The following DTD1 variants were observed in gnomAD, a reference collection of about 807,000 sequenced individuals.
DTD1 encodes D-aminoacyl-tRNA deacylase 1, also known as D-tyrosyl-tRNA deacylase 1 homolog.
A neutral mutation model predicts 25.6 loss-of-function variants in DTD1; 13 were observed. That is an observed-to-expected ratio of 0.51 (90% CI 0.33 to 0.81). DTD1 has a LOEUF of 0.81. Ranked by LOEUF, DTD1 falls within the 30% of genes least tolerant of loss-of-function variation. The pLI is 0.02. For missense variants in DTD1, 193 were observed against 266.4 expected (o/e 0.72, Z 1.92); for synonymous variants, 110 against 103.6 (o/e 1.06, Z -0.37).
At chr20:18,729,436 G>A (rs2061233178) in intron 4 of DTD1, among the ~76,000 whole-genome samples, 1 of 152,194 alleles carries the variant, frequency 6.6e-6, no homozygotes, top group South Asian at 2.1e-4. Flanking sequence ...TGGCCCCGGG[G>A]TATTCAGAGC....
At position 18,758,382 on chromosome 20, in the gene DTD1, C is replaced by G. The variant is rs559488369; in HGVS notation, c.*20-4978C>G. Among the ~76,000 whole-genome samples, 35 of 152,194 alleles carry G rather than the reference C, an allele frequency of 2.3e-4. No individual in the cohort carries two copies. In the South Asian group the frequency reaches 7.1e-3, roughly 31 times the overall value. On this transcript the variant is annotated intron_variant, in intron 5 of 5. Coordinates refer to ENST00000377452, the MANE Select transcript of DTD1 (RefSeq NM_080820.6). ...TGATGTTAGGGTGTCAATTTTGGAT[C>G]TTTCCTGCTTTGTCTTGTGGGCATT...
intron 3 of DTD1, among the ~76,000 whole-genome samples, chr20:18,613,642 A>T (rs2060697133): frequency 1.3e-5 from 2 of 152,188 alleles, no homozygotes; most frequent in South Asian, 4.1e-4. Context: ...CCAGTTGTAT[A>T]TGAGCGATTC....
At chr20:18,683,931 C>A (rs2061006834) in intron 4 of DTD1, among the ~76,000 whole-genome samples, 1 of 152,098 alleles carries the variant, frequency 6.6e-6, no homozygotes, top group African/African-American at 2.4e-5. Flanking sequence ...TGGTTTTTTT[C>A]CCCCTCTACT....
At chr20:18,733,404 T>TGGGCTGGGGGACACA in intron 4 of DTD1, among the ~76,000 whole-genome samples, 1 of 152,286 alleles carries the variant, frequency 6.6e-6, no homozygotes, top group South Asian at 2.1e-4. Context: ...AGGTGACCTC[T>TGGGCTGGGGGACACA]GGGCTGGGGG....
chr20:18,668,628 A>G (rs1211428050), intron 4 of DTD1, among the ~76,000 whole-genome samples: 1 of 152,144 alleles, frequency 6.6e-6, no homozygotes, highest in African/African-American at 2.4e-5. Flanking sequence ...GTCAGGGGAT[A>G]GAGACTGAGC....
intron 5 of DTD1, among the ~76,000 whole-genome samples, chr20:18,761,208 T>A (rs542291107): frequency 6.6e-6 from 1 of 152,084 alleles, no homozygotes; most frequent in Admixed American, 6.5e-5. Context: ...CTCGCCCTGC[T>A]CGGTGTGCTG....
intron 4 of DTD1, among the ~76,000 whole-genome samples, chr20:18,695,013 G>A (rs1476707443): frequency 1.1e-4 from 17 of 152,078 alleles, no homozygotes; most frequent in Admixed American, 1.1e-3. Flanking sequence ...TTCCCTTCAG[G>A]TCATGACCAG....
At chr20:18,636,365 A>G (rs954523260) in intron 4 of DTD1, among the ~76,000 whole-genome samples, 9 of 152,242 alleles carry the variant, frequency 5.9e-5, no homozygotes, top group African/African-American at 1.9e-4. Flanking sequence ...GGGTAATTGT[A>G]GAAAAATGTT....
rs1158784390 is a variant in DTD1, at chr20:18,765,020, A to G, written c.*1680A>G. On this transcript the variant is annotated 3_prime_UTR_variant, in exon 6 of 6. Coordinates refer to ENST00000377452, the MANE Select transcript of DTD1 (RefSeq NM_080820.6). ...AAGGGGTAACGAGGATTGCATAGAG[A>G]TACGACCTAAGGATCATGACATTTG... The G allele has an allele frequency of 6.6e-6, 1 of 152,214 alleles. No individual in the cohort carries two copies. Among genetic ancestry groups the G allele is most frequent in the Non-Finnish European group, 1.5e-5 (1 of 68,050 alleles). The allele number at this position is 152,214 out of a possible 1,614,324, so 9.4% of individuals were successfully genotyped here. A position where few individuals can be genotyped will look rare whatever the true frequency, so the allele number is the denominator to read the frequency against.
chr20:18,620,693 C>T (rs908162428), intron 3 of DTD1, among the ~76,000 whole-genome samples: 1 of 152,050 alleles, frequency 6.6e-6, no homozygotes, highest in African/African-American at 2.4e-5. Flanking sequence ...CTCCTGGGCT[C>T]AAGCAATCCT....
chr20:18,761,184 G>A (rs896917917), intron 5 of DTD1, among the ~76,000 whole-genome samples: 5 of 152,094 alleles, frequency 3.3e-5, no homozygotes, highest in African/African-American at 9.7e-5. Context: ...TGCGCTTCCC[G>A]GGCGAGGCGA....
chr20:18,601,701 G>A (rs2060636093), intron 3 of DTD1, among the ~76,000 whole-genome samples: 1 of 151,854 alleles, frequency 6.6e-6, no homozygotes, highest in African/African-American at 2.4e-5. Flanking sequence ...CAACAGACCT[G>A]CAGCTGAGGG....
chr20:18,632,849 G>A (rs2060793878), intron 4 of DTD1, among the ~76,000 whole-genome samples: 1 of 152,072 alleles, frequency 6.6e-6, no homozygotes, highest in Non-Finnish European at 1.5e-5. Flanking sequence ...GTGTGTATAT[G>A]TGATGTGTGT....
At chr20:18,743,479 A>G (rs1369195165) in intron 4 of DTD1, among the ~76,000 whole-genome samples, 3 of 152,104 alleles carry the variant, frequency 2.0e-5, no homozygotes, top group Admixed American at 1.3e-4. Flanking sequence ...GGGTTGCTTG[A>G]GCCCAGGAGT....
At chr20:18,610,255 C>A (rs2122275028) in intron 3 of DTD1, among the ~76,000 whole-genome samples, 1 of 152,202 alleles carries the variant, frequency 6.6e-6, no homozygotes, top group South Asian at 2.1e-4. Context: ...CCTAAAAACA[C>A]CTTTTATTTA....
chr20:18,593,960 C>T, intron 2 of DTD1, 139 bp downstream of exon 2: 1 of 687,132 alleles, frequency 1.5e-6, no homozygotes, highest in South Asian at 1.6e-5. Context: ...GTATGGTTAT[C>T]TCCGTGTTTC....
At chr20:18,649,267 A>G (rs1203761878) in intron 4 of DTD1, among the ~76,000 whole-genome samples, 1 of 149,374 alleles carries the variant, frequency 6.7e-6, no homozygotes, top group East Asian at 2.0e-4. Context: ...GTGGTGGCTA[A>G]CACAAGACAA....
chr20:18,763,867 AAAT>A lies in DTD1; in HGVS notation c.*536_*538del, dbSNP rs2061372291. Reference sequence around the variant, plus strand: ...TAAATTTTCTCTTTTTTCTAAAAATAAATAATAATAAAATCCTAAATCTCAACA... The same window carrying A: ...TAAATTTTCTCTTTTTTCTAAAAATAAATAATAAAATCCTAAATCTCAACA... On this transcript the variant is annotated 3_prime_UTR_variant, in exon 6 of 6. Coordinates refer to ENST00000377452, the MANE Select transcript of DTD1 (RefSeq NM_080820.6). The A allele has an allele frequency of 1.3e-5, 2 of 152,372 alleles. No individual in the cohort carries two copies. Among genetic ancestry groups the A allele is most frequent in the Admixed American group, 6.5e-5 (1 of 15,300 alleles). 9.4% of individuals were successfully genotyped at this position (152,372 alleles called of 1,614,324 possible).
chr20:18,599,794 A>C (rs1373677794), intron 3 of DTD1, among the ~76,000 whole-genome samples: 1 of 152,074 alleles, frequency 6.6e-6, no homozygotes, highest in African/African-American at 2.4e-5. Flanking sequence ...TCATATGCTT[A>C]TTTACTATCT....
Sources: gnomAD v4.1 joint callset for allele counts (sites outside exome capture counted in the v4.1 genomes callset) on GRCh38, gnomAD v4.1.1 for gene constraint, MANE v1.5 for transcripts, NCBI Gene and HGNC (gene_info 2026-07-23, HGNC 2026-07-21) for gene names.